Variants in ANKRD31 observed in about 807,000 individuals in gnomAD.
The protein encoded by ANKRD31 is ankyrin repeat domain-containing protein 31.
ANKRD31 carries 147 observed loss-of-function variants against 186.0 expected under a neutral mutation model. That is an observed-to-expected ratio of 0.79 (90% CI 0.69 to 0.91). ANKRD31 has a LOEUF of 0.91. Ranked by LOEUF, ANKRD31 falls within the 40% of genes least tolerant of loss-of-function variation. The pLI, the probability that ANKRD31 is intolerant of heterozygous loss-of-function variation, is 0.00. For synonymous variants in ANKRD31, 673 were observed against 736.4 expected, an observed-to-expected ratio of 0.91 and a Z score of 1.39; for missense variants, 1,986 against 2,148.8, an observed-to-expected ratio of 0.92 and a Z score of 1.50.
intron 11 of ANKRD31, among the ~76,000 whole-genome samples, chr5:75,162,934 C>G (rs76655367): frequency 1.0e-3 from 156 of 152,162 alleles, no homozygotes; most frequent in African/African-American, 3.7e-3. Flanking sequence ...TAGATTTATG[C>G]TTAACTTTGG....
intron 25 of ANKRD31, among the ~76,000 whole-genome samples, chr5:75,079,273 A>G (rs146381221): frequency 3.0e-4 from 45 of 152,334 alleles, no homozygotes; most frequent in African/African-American, 1.1e-3. Context: ...ATCCGAAATG[A>G]TATGTAAACA....
At chr5:75,222,204 T>G (rs749225612) in intron 3 of ANKRD31, 45 bp downstream of exon 3, 11 of 1,377,232 alleles carry the variant, frequency 8.0e-6, no homozygotes, top group Non-Finnish European at 1.1e-5. Context: ...AGCGATAGCA[T>G]TTCCAATTTT....
At chr5:75,189,182 C>T (rs1217420479) in intron 9 of ANKRD31, among the ~76,000 whole-genome samples, 1 of 152,148 alleles carries the variant, frequency 6.6e-6, no homozygotes, top group Admixed American at 6.6e-5. Context: ...AAGCAGAGAA[C>T]CACAGCCTTG....
rs534873890 is a variant in ANKRD31 at position 75,073,161 on chromosome 5, G to A, written c.5648-4497C>T. On this transcript the variant is annotated intron_variant, in intron 25 of 25. Transcript: ENST00000506364. ...AAAGTTACAGGCCTAGCCAAGTGCA[G>A]TGGCTCAAGCCTATAATCCAAGCTA... 1.8e-4 allele frequency among the ~76,000 whole-genome samples: 27 copies of A among 152,290 alleles called. No homozygotes were observed. In the South Asian group the frequency reaches 1.9e-3, roughly 11 times the overall value.
intron 1 of ANKRD31, among the ~76,000 whole-genome samples, chr5:75,232,483 C>T (rs1758008169): frequency 6.6e-6 from 1 of 152,010 alleles, no homozygotes; most frequent in African/African-American, 2.4e-5. Context: ...AGGCTAGTCT[C>T]GAACTCCTGA....
At chr5:75,215,645 T>C (rs943271821) in intron 3 of ANKRD31, among the ~76,000 whole-genome samples, 1 of 151,962 alleles carries the variant, frequency 6.6e-6, no homozygotes, top group Non-Finnish European at 1.5e-5. Context: ...TCAAAGATCT[T>C]CTATTTCTTC....
At chr5:75,229,879 A>AG (rs1255581027) in intron 2 of ANKRD31, among the ~76,000 whole-genome samples, 20 of 87,392 alleles carry the variant, frequency 2.3e-4, no homozygotes, top group African/African-American at 1.3e-3. Context: ...AAAAAAAAAA[A>AG]AAAAAAAACA....
At chr5:75,130,451 A>G (rs1749689425) in intron 17 of ANKRD31, among the ~76,000 whole-genome samples, 1 of 152,176 alleles carries the variant, frequency 6.6e-6, no homozygotes, top group Non-Finnish European at 1.5e-5. Context: ...GGTCCACTTT[A>G]AAGAGAGCTG....
chr5:75,193,304 T>G lies in ANKRD31; in HGVS notation c.1298+7A>C, dbSNP rs1755240466. 2 of 1,534,436 alleles carry G rather than the reference T, an allele frequency of 1.3e-6. No homozygotes were observed. The highest frequency in any genetic ancestry group is 1.7e-6 in the Non-Finnish European group (2 of 1,145,586). On this transcript the variant is annotated splice_region_variant and intron_variant, in intron 8 of 25. Transcript: ENST00000506364. ...CCTGGAGATAAAGACATAATTTCAT[T>G]GCATACCTGAAATTCTGAGCTGAAG...
intron 2 of ANKRD31, among the ~76,000 whole-genome samples, chr5:75,229,407 C>T (rs1013678793): frequency 3.9e-5 from 6 of 152,226 alleles, no homozygotes; most frequent in South Asian, 2.1e-4. Context: ...TCAATACCTC[C>T]GTTGCCCTTT....
At position 75,146,799 on chromosome 5, in the gene ANKRD31, T is replaced by C; in HGVS notation, c.2612A>G (p.His871Arg). 3 of 1,518,676 alleles carry C rather than the reference T, an allele frequency of 2.0e-6. No homozygotes were observed. The highest frequency in any genetic ancestry group is 2.7e-6 in the Non-Finnish European group (3 of 1,130,260). The allele number at this position is 1,518,676 out of a possible 1,614,324, so 94.1% of individuals were successfully genotyped here. Reference protein sequence around the residue: ...QEQHHVLYKSHENSNLVPKDE... With the variant: ...QEQHHVLYKSRENSNLVPKDE... ...TTTTGGGACCAAGTTACTGTTTTCA[T>C]GAGATTTATAAAGTACATGGTGTTG... Residue 871 changes from histidine to arginine, a missense_variant, in exon 14 of 26, where the codon CAT becomes CGT. Transcript: ENST00000506364.
rs1180417763 is a variant in ANKRD31, at chr5:75,195,955, T to C, written c.693A>G (p.Pro231=). ...VSALESLLTS[P]ESTQEERLFE... ...ACAATCTTTCCTCCTGGGTGCTTTC[T>C]GGTGATGTAAGTAAACTTTCTAAGG... is the stretch of plus-strand genomic sequence containing the variant. The change falls in exon 7 of 26, where the codon CCA becomes CCG. Residue 231 remains proline (P), a synonymous_variant. Transcript: ENST00000506364. The C allele has an allele frequency of 4.6e-6, 7 of 1,533,006 alleles. No individual in the cohort carries two copies. In the African/African-American group the frequency reaches 9.6e-5, roughly 21 times the overall value. The allele number at this position is 1,533,006 out of a possible 1,614,324, so 95.0% of individuals were successfully genotyped here. A position where few individuals can be genotyped will look rare whatever the true frequency, so the allele number is the denominator to read the frequency against.
intron 22 of ANKRD31, among the ~76,000 whole-genome samples, chr5:75,102,471 A>G (rs1746981643): frequency 6.6e-6 from 1 of 152,154 alleles, no homozygotes. Flanking sequence ...TCAGACAGGG[A>G]CGTTTAAGTC....
rs924726409 is a variant in ANKRD31, at chr5:75,080,564, T to C, written c.5647+4A>G. ...TGGAATTGAATATTTTCTTTTTTTT[T>C]TACCTTGTCCAAATTTTGTTTTCTC... is the stretch of plus-strand genomic sequence containing the variant. On this transcript the variant is annotated splice_donor_region_variant and intron_variant, in intron 25 of 25. Transcript: ENST00000506364. 1.2e-5 allele frequency: 19 copies of C among 1,521,978 alleles called. No individual in the cohort carries two copies. The highest frequency in any genetic ancestry group is 1.5e-5 in the Non-Finnish European group (17 of 1,136,930). The allele number at this position is 1,521,978 out of a possible 1,614,324, so 94.3% of individuals were successfully genotyped here. A position where few individuals can be genotyped will look rare whatever the true frequency, so the allele number is the denominator to read the frequency against.
chr5:75,083,458 G>A (rs1200932501), intron 24 of ANKRD31, among the ~76,000 whole-genome samples: 2 of 152,186 alleles, frequency 1.3e-5, no homozygotes, highest in Non-Finnish European at 2.9e-5. Context: ...GCCAGGCATG[G>A]TGGCTCACAC....
At chr5:75,207,807 T>C (rs2150280628) in intron 4 of ANKRD31, among the ~76,000 whole-genome samples, 1 of 152,172 alleles carries the variant, frequency 6.6e-6, no homozygotes, top group Non-Finnish European at 1.5e-5. Context: ...CCTTAGTCTT[T>C]TCTTTTTTTA....
chr5:75,097,252 T>C (rs1372711622), intron 22 of ANKRD31, among the ~76,000 whole-genome samples: 1 of 152,194 alleles, frequency 6.6e-6, no homozygotes, highest in African/African-American at 2.4e-5. Context: ...TCCACGATGG[T>C]TGAACTAGTT....
chr5:75,146,612 A>T lies in ANKRD31; in HGVS notation c.2799T>A (p.Asn933Lys), dbSNP rs1056410390. 9.8e-6 allele frequency: 15 copies of T among 1,535,384 alleles called. No homozygotes were observed. Among genetic ancestry groups the T allele is most frequent in the Non-Finnish European group, 1.3e-5 (15 of 1,146,124 alleles). The change falls in exon 14 of 26, where the codon AAT (asparagine) becomes AAA (lysine). Residue 933 changes from asparagine (N) to lysine (K), a missense_variant. Physicochemically the swap from Asn to Lys is moderately conservative, Grantham distance 94 (BLOSUM62 0). Coordinates refer to ENST00000506364, the MANE Select transcript of ANKRD31 (RefSeq NM_001372053.1). ...AACCCATTTCTTTTTTATTTGTTAA[A>T]TTCTCCTTAAAATTATAGTGTTTTT... ...GGKKHYNFKE[N>K]LTNKKEMGFQ... is the part of the protein sequence containing the mutation.
At chr5:75,235,360 C>T (rs1184288606) in intron 1 of ANKRD31, among the ~76,000 whole-genome samples, 2 of 151,288 alleles carry the variant, frequency 1.3e-5, no homozygotes, top group African/African-American at 2.4e-5. Context: ...CCAAAAACTC[C>T]GAATGAATAT....
Sources: gnomAD v4.1 joint callset for allele counts (sites outside exome capture counted in the v4.1 genomes callset) on GRCh38, gnomAD v4.1.1 for gene constraint, MANE v1.5 for transcripts, NCBI Gene and HGNC (gene_info 2026-07-23, HGNC 2026-07-21) for gene names.